BMPR2: variants seen among roughly 807,000 people sequenced by gnomAD.
The protein encoded by BMPR2 is bone morphogenetic protein receptor type-2.
BMPR2 carries 29 observed loss-of-function variants against 100.8 expected under a neutral mutation model. The observed-to-expected ratio is 0.29, with a 90% CI of 0.21 to 0.39. The LOEUF (loss-of-function observed/expected upper bound fraction) is 0.39, where lower values mean the gene tolerates loss of function less well. Ranked by LOEUF, BMPR2 falls within the 10% of genes least tolerant of loss-of-function variation. The pLI is 1.00. For missense variants in BMPR2, 1,011 were observed against 1,274.5 expected (o/e 0.79, Z 3.15); for synonymous variants, 382 against 442.3 (o/e 0.86, Z 1.71).
chr2:202,385,361 CTTTTT>C (rs1161944548), intron 1 of BMPR2, among the ~76,000 whole-genome samples: 1 of 86,338 alleles, frequency 1.2e-5, no homozygotes, highest in African/African-American at 4.9e-5. Flanking sequence ...AAAAAAGATG[CTTTTT>C]TTTTTTTTTT....
At position 202,432,256 on chromosome 2, in the gene BMPR2, G is replaced by T. The variant is rs189656735; in HGVS notation, c.77-32553G>T. Among the ~76,000 whole-genome samples, 10 of 150,784 alleles carry T rather than the reference G, an allele frequency of 6.6e-5. No homozygotes were observed. In the East Asian group the frequency reaches 1.5e-3, roughly 23 times the overall value. ...AAATGTTAATTTTCAGATCACAAAGGTTGTCCATGTTCACATATAAGCAGA... is the reference window on the plus strand; with the variant it reads ...AAATGTTAATTTTCAGATCACAAAGTTTGTCCATGTTCACATATAAGCAGA... On this transcript the variant is annotated intron_variant, in intron 1 of 12. Coordinates refer to ENST00000374580, the MANE Select transcript of BMPR2 (RefSeq NM_001204.7).
At position 202,557,342 on chromosome 2, in the gene BMPR2, T is replaced by C. The variant is rs1213434437; in HGVS notation, c.2866+811T>C. The stretch of plus-strand genomic sequence containing the variant: ...AGCCGCGTGTGGTGGTGGGCACCTG[T>C]AATCCCAGCTACTCGGAAGGCTGAG... On this transcript the variant is annotated intron_variant, in intron 12 of 12. Coordinates refer to ENST00000374580, the MANE Select transcript of BMPR2 (RefSeq NM_001204.7). 2.0e-5 allele frequency among the ~76,000 whole-genome samples: 3 copies of C among 152,160 alleles called. No individual in the cohort carries two copies. The East Asian group carries it at 5.8e-4, about 29-fold the overall frequency.
chr2:202,492,768 G>GCT (rs1360973937), intron 3 of BMPR2, among the ~76,000 whole-genome samples: 2 of 140,056 alleles, frequency 1.4e-5, no homozygotes, highest in African/African-American at 5.3e-5. Context: ...AAGTGGGAAA[G>GCT]CTAGAGCAAG....
intron 1 of BMPR2, among the ~76,000 whole-genome samples, chr2:202,407,251 G>A (rs930275364): frequency 4.0e-5 from 6 of 150,866 alleles, no homozygotes; most frequent in African/African-American, 1.5e-4. Context: ...CCTAATTTTT[G>A]TATTTTTATT....
In BMPR2 at chr2:202,412,180, C is replaced by T. The variant is rs192372765; in HGVS notation, c.76+34630C>T. On this transcript the variant is annotated intron_variant, in intron 1 of 12. Transcript: ENST00000374580. ...AAAACACATGTATTAGAGACACATG[C>T]GTATGTGTCTCTAATAATCTTAAAT... Among the ~76,000 whole-genome samples the T allele has an allele frequency of 8.6e-5, 13 of 152,030 alleles. No individual in the cohort carries two copies. The East Asian group carries it at 1.9e-3, about 23-fold the overall frequency.
chr2:202,534,242 A>T (rs991144562), intron 9 of BMPR2, among the ~76,000 whole-genome samples: 1 of 147,206 alleles, frequency 6.8e-6, no homozygotes, highest in East Asian at 1.9e-4. Flanking sequence ...TATAAATAAA[A>T]TTTTTATTTA....
chr2:202,424,263 A>G (rs369984823), intron 1 of BMPR2, among the ~76,000 whole-genome samples: 9 of 151,924 alleles, frequency 5.9e-5, no homozygotes, highest in African/African-American at 1.9e-4. Context: ...AATCCCTGCC[A>G]CTTGGGAAGC....
intron 3 of BMPR2, among the ~76,000 whole-genome samples, chr2:202,473,253 A>G (rs1692471502): frequency 6.6e-6 from 1 of 151,820 alleles, no homozygotes; most frequent in Non-Finnish European, 1.5e-5. Flanking sequence ...GGCAACATGG[A>G]GAAACCCCAT....
chr2:202,401,753 G>A (rs1406488382), intron 1 of BMPR2, among the ~76,000 whole-genome samples: 1 of 152,118 alleles, frequency 6.6e-6, no homozygotes, highest in East Asian at 1.9e-4. Context: ...TTCAGATTAA[G>A]GAATCATGCA....
intron 1 of BMPR2, among the ~76,000 whole-genome samples, chr2:202,425,306 G>C (rs145954588): frequency 2.6e-5 from 4 of 152,268 alleles, no homozygotes; most frequent in African/African-American, 9.6e-5. Flanking sequence ...GCTGCTGCAT[G>C]GTTGGAGAGG....
intron 3 of BMPR2, among the ~76,000 whole-genome samples, chr2:202,498,566 G>A (rs367742164): frequency 1.2e-4 from 19 of 152,258 alleles, no homozygotes; most frequent in Middle Eastern, 3.4e-3. Context: ...TCCAGGGACC[G>A]TTGCGAGTTC....
At position 202,376,545 on chromosome 2, in the gene BMPR2, GGCA is replaced by G. The variant is rs568136148; in HGVS notation, c.-921_-919del. ...CGGCGGCGGCGGCGGCGGCGGCGGCGGCAGCAGCAGCGGCTTCCTCGGGGGGTT... is the reference window on the plus strand; with the variant it reads ...CGGCGGCGGCGGCGGCGGCGGCGGCGGCAGCAGCGGCTTCCTCGGGGGGTT... On this transcript the variant is annotated 5_prime_UTR_variant, in exon 1 of 13. Transcript: ENST00000374580. Among the ~76,000 whole-genome samples, 2 of 140,468 alleles carry G rather than the reference GGCA, an allele frequency of 1.4e-5. No homozygotes were observed. Among genetic ancestry groups the G allele is most frequent in the Non-Finnish European group, 3.1e-5 (2 of 65,120 alleles). 92.2% of individuals were successfully genotyped at this position (140,468 alleles called of 152,430 possible). A position where few individuals can be genotyped will look rare whatever the true frequency, so the allele number is the denominator to read the frequency against.
intron 3 of BMPR2, among the ~76,000 whole-genome samples, chr2:202,472,677 A>G (rs972907667): frequency 8.5e-5 from 13 of 152,188 alleles, no homozygotes; most frequent in African/African-American, 3.1e-4. Flanking sequence ...AAAGAGAGAA[A>G]GTGAATTTGT....
chr2:202,457,542 TTA>T (rs775599027), intron 1 of BMPR2, among the ~76,000 whole-genome samples: 7,779 of 133,822 alleles, frequency 0.058, 243 homozygotes, highest in Middle Eastern at 0.11. Context: ...TAGCAATATT[TTA>T]TATATATATA....
At chr2:202,519,242 A>C (rs574039829) in intron 6 of BMPR2, among the ~76,000 whole-genome samples, 190 bp downstream of exon 6, 1 of 152,334 alleles carries the variant, frequency 6.6e-6, no homozygotes, top group South Asian at 2.1e-4. Context: ...ACACATCTGT[A>C]ATTCCAGCTA....
intron 6 of BMPR2, among the ~76,000 whole-genome samples, chr2:202,519,320 A>G (rs1274996224): frequency 6.6e-6 from 1 of 152,166 alleles, no homozygotes; most frequent in Non-Finnish European, 1.5e-5. Flanking sequence ...CCGAGATTGT[A>G]CAGCCGTACT....
intron 3 of BMPR2, among the ~76,000 whole-genome samples, chr2:202,475,935 G>T (rs992397574): frequency 1.4e-4 from 21 of 151,982 alleles, no homozygotes; most frequent in African/African-American, 4.8e-4. Context: ...TTAGCCGGGC[G>T]TGGTGGCACA....
At chr2:202,506,254 T>A (rs1256895037) in intron 3 of BMPR2, among the ~76,000 whole-genome samples, 1 of 152,170 alleles carries the variant, frequency 6.6e-6, no homozygotes, top group African/African-American at 2.4e-5. Context: ...CTTCTTGGGT[T>A]CAAGTGATTC....
At chr2:202,397,802 A>C (rs1490458334) in intron 1 of BMPR2, among the ~76,000 whole-genome samples, 1 of 151,030 alleles carries the variant, frequency 6.6e-6, no homozygotes, top group Non-Finnish European at 1.5e-5. Flanking sequence ...GCCTGGCCAA[A>C]AATGCTTCCT....
Sources: gnomAD v4.1 joint callset for allele counts (sites outside exome capture counted in the v4.1 genomes callset) on GRCh38, gnomAD v4.1.1 for gene constraint, MANE v1.5 for transcripts, NCBI Gene and HGNC (gene_info 2026-07-23, HGNC 2026-07-21) for gene names.